Variants in VAV2 observed in about 807,000 individuals in gnomAD.
The protein encoded by VAV2 is vav guanine nucleotide exchange factor 2.
VAV2 carries 67 observed loss-of-function variants against 132.5 expected under a neutral mutation model. The ratio of observed to expected loss-of-function variants is 0.51; its 90% CI spans 0.42 to 0.62. The LOEUF (loss-of-function observed/expected upper bound fraction) is 0.62. VAV2 is among the 20% of genes least tolerant of loss of function. VAV2 has a pLI of 0.00. For missense variants in VAV2, 938 were observed against 1,153.6 expected, an observed-to-expected ratio of 0.81 and a Z score of 2.71; for synonymous variants, 492 against 443.5, an observed-to-expected ratio of 1.11 and a Z score of -1.37.
chr9:133,793,400 T>C (rs531964786), intron 12 of VAV2, among the ~76,000 whole-genome samples: 1 of 146,524 alleles, frequency 6.8e-6, no homozygotes, highest in South Asian at 2.3e-4. Flanking sequence ...GACCTCACCA[T>C]TGGCTCCCCA....
intron 2 of VAV2, among the ~76,000 whole-genome samples, chr9:133,870,032 C>T (rs1042964184): frequency 6.6e-6 from 1 of 152,008 alleles, no homozygotes; most frequent in Admixed American, 6.6e-5. Context: ...TTGTGGAAAG[C>T]ACGGACAGAA....
chr9:133,968,229 CAT>C (rs1399770943), intron 1 of VAV2, among the ~76,000 whole-genome samples: 7 of 152,100 alleles, frequency 4.6e-5, no homozygotes, highest in African/African-American at 7.2e-5. Context: ...AGAAATGCCA[CAT>C]GTTTGGGATC....
At chr9:133,889,413 G>A (rs564604314) in intron 2 of VAV2, among the ~76,000 whole-genome samples, 1 of 152,288 alleles carries the variant, frequency 6.6e-6, no homozygotes, top group East Asian at 1.9e-4. Flanking sequence ...AAAGGGGTGG[G>A]GGAAGGCGGC....
At chr9:133,974,571 T>C (rs1274304807) in intron 1 of VAV2, among the ~76,000 whole-genome samples, 1 of 152,016 alleles carries the variant, frequency 6.6e-6, no homozygotes, top group African/African-American at 2.4e-5. Context: ...CTTCCTACTG[T>C]GGAAATGGGT....
Position 133,807,441 on chromosome 9 carries a change from T to C in VAV2, c.667-115A>G, listed in dbSNP as rs1564366665. The C allele has an allele frequency of 4.8e-6, 5 of 1,044,860 alleles. No homozygotes were observed. In the African/African-American group the frequency reaches 4.9e-5, roughly 10 times the overall value. The allele number at this position is 1,044,860 out of a possible 1,614,324, so 64.7% of individuals were successfully genotyped here. A position where few individuals can be genotyped will look rare whatever the true frequency, so the allele number is the denominator to read the frequency against. On this transcript the variant is annotated intron_variant, in intron 7 of 29. Coordinates refer to ENST00000371850, the MANE Select transcript of VAV2 (RefSeq NM_001134398.2). ...CCGAGGCAGGCACTGGGGTGCTCCA[T>C]GCTTACTGGGGTAGCCTGTGTTCTG... is the stretch of plus-strand genomic sequence containing the variant.
Position 133,885,258 on chromosome 9 carries a change from G to A in VAV2, c.322-23826C>T, listed in dbSNP as rs914305938. On this transcript the variant is annotated intron_variant, in intron 2 of 29. Coordinates refer to ENST00000371850, the MANE Select transcript of VAV2 (RefSeq NM_001134398.2). This position sits in a 1 kb window ranked among gnomAD's most constrained non-coding sequence, Gnocchi z 5.0. The stretch of plus-strand genomic sequence containing the variant: ...GGAAGGGCATGTATGCAGCCCCCGC[G>A]GCTGTCTACTTGGTCCATGTCCAGC... 3.9e-5 allele frequency among the ~76,000 whole-genome samples: 6 copies of A among 152,192 alleles called. No individual in the cohort carries two copies. The highest frequency in any genetic ancestry group is 2.1e-4 in the South Asian group (1 of 4,830).
At chr9:133,880,876 C>T (rs1216553637) in intron 2 of VAV2, among the ~76,000 whole-genome samples, 1 of 152,242 alleles carries the variant, frequency 6.6e-6, no homozygotes, top group Non-Finnish European at 1.5e-5. Flanking sequence ...CTTCTGCGGT[C>T]GGCCCTCCAG....
chr9:133,862,408 G>C (rs139239765), intron 2 of VAV2, among the ~76,000 whole-genome samples: 4 of 152,368 alleles, frequency 2.6e-5, no homozygotes, highest in African/African-American at 9.6e-5. Context: ...TGGAGCTCCT[G>C]AGCGACAGAC....
At chr9:133,860,253 G>C (rs1431242811) in intron 3 of VAV2, among the ~76,000 whole-genome samples, 2 of 151,090 alleles carry the variant, frequency 1.3e-5, no homozygotes, top group South Asian at 2.1e-4. Flanking sequence ...AGTGAGCCGA[G>C]ATCGCGCCAC....
intron 2 of VAV2, among the ~76,000 whole-genome samples, chr9:133,909,486 T>C (rs1189157778): frequency 6.6e-6 from 1 of 152,238 alleles, no homozygotes; most frequent in Non-Finnish European, 1.5e-5. Flanking sequence ...CATCCAGCTA[T>C]GGGCCCCACC....
At position 133,933,481 on chromosome 9, in the gene VAV2, GTGGA is replaced by G. The variant is rs111702861; in HGVS notation, c.321+5618_321+5621del. On this transcript the variant is annotated intron_variant, in intron 2 of 29. Coordinates refer to ENST00000371850, the MANE Select transcript of VAV2 (RefSeq NM_001134398.2). ...GATGGGTGGATGGATGAATGGATGA[GTGGA>G]TGGATGGATGGATGGATGGTGAATG... Among the ~76,000 whole-genome samples the G allele has an allele frequency of 5.3e-3, 783 of 147,712 alleles. 9 individuals carry two copies. Among genetic ancestry groups the G allele is most frequent in the African/African-American group, 0.018 (734 of 40,466 alleles).
In VAV2 at chr9:133,885,390, C is replaced by T. The variant is rs1391045852; in HGVS notation, c.322-23958G>A. 3.3e-5 allele frequency among the ~76,000 whole-genome samples: 5 copies of T among 152,240 alleles called. No individual in the cohort carries two copies. The highest frequency in any genetic ancestry group is 2.6e-4 in the Admixed American group (4 of 15,290). On this transcript the variant is annotated intron_variant, in intron 2 of 29. Transcript: ENST00000371850. The surrounding 1 kb of genome is among the most constrained non-coding windows in gnomAD (Gnocchi z 5.0). The stretch of plus-strand genomic sequence containing the variant: ...CATCCCTGTCACATCGATGAGCAAA[C>T]ATGGCCCAGCGATTTGTGTTTCTCA...
intron 3 of VAV2, among the ~76,000 whole-genome samples, chr9:133,839,065 C>T (rs1836611249): frequency 1.4e-5 from 2 of 141,046 alleles, no homozygotes; most frequent in Admixed American, 7.0e-5. Context: ...GATGGATGGG[C>T]GAGTGGTTGG....
At chr9:133,907,826 GT>G (rs1839718368) in intron 2 of VAV2, among the ~76,000 whole-genome samples, 1 of 152,198 alleles carries the variant, frequency 6.6e-6, no homozygotes, top group African/African-American at 2.4e-5. Context: ...AGACGGCACA[GT>G]GGGGAGAGCC....
intron 9 of VAV2, among the ~76,000 whole-genome samples, chr9:133,798,151 C>G (rs933757054): frequency 6.6e-6 from 1 of 152,146 alleles, no homozygotes; most frequent in African/African-American, 2.4e-5. Context: ...GAAAGAGAAG[C>G]CCCTGACATC....
intron 3 of VAV2, among the ~76,000 whole-genome samples, chr9:133,859,582 G>A (rs1342335693): frequency 6.6e-6 from 1 of 151,886 alleles, no homozygotes; most frequent in African/African-American, 2.4e-5. Context: ...TAAAATGACT[G>A]ATTTTTTGTT....
intron 3 of VAV2, among the ~76,000 whole-genome samples, chr9:133,844,172 G>A (rs1836838198): frequency 1.3e-5 from 2 of 152,190 alleles, no homozygotes; most frequent in South Asian, 2.1e-4. Context: ...GGGGCCTGGC[G>A]TGGCTGCTGA....
rs576539475 is a variant in VAV2 at position 133,770,523 on chromosome 9, T to C, written c.2224-22A>G. On this transcript the variant is annotated intron_variant, in intron 26 of 29. Transcript: ENST00000371850. ...ACTCCTGCAGGGCGTACACACTCACTGACAGCTGCTGCCACCTCCAGGAAG... is the reference window on the plus strand; with the variant it reads ...ACTCCTGCAGGGCGTACACACTCACCGACAGCTGCTGCCACCTCCAGGAAG... The C allele has an allele frequency of 8.7e-6, 14 of 1,610,568 alleles. No individual in the cohort carries two copies. In the South Asian group the frequency reaches 1.5e-4, roughly 18 times the overall value.
intron 1 of VAV2, among the ~76,000 whole-genome samples, chr9:133,973,686 T>C (rs1443857182): frequency 6.6e-6 from 1 of 152,162 alleles, no homozygotes; most frequent in African/African-American, 2.4e-5. Flanking sequence ...TGAGGAACCC[T>C]AGATACCCCG....
Sources: gnomAD v4.1 joint callset for allele counts (sites outside exome capture counted in the v4.1 genomes callset) on GRCh38, gnomAD v4.1.1 for gene constraint, Gnocchi (gnomAD v3.1) non-coding constraint, MANE v1.5 for transcripts, NCBI Gene and HGNC (gene_info 2026-07-23, HGNC 2026-07-21) for gene names.